PDE4D: variants seen among roughly 807,000 people sequenced by gnomAD.
PDE4D encodes 3',5'-cyclic-AMP phosphodiesterase 4D.
In PDE4D, 24 loss-of-function variants were observed where a neutral mutation model predicts 87.4. The ratio of observed to expected loss-of-function variants is 0.27; its 90% CI spans 0.20 to 0.39. The LOEUF (loss-of-function observed/expected upper bound fraction) is 0.39, where lower values mean the gene tolerates loss of function less well. Ranked by LOEUF, PDE4D falls within the 10% of genes least tolerant of loss-of-function variation. PDE4D has a pLI of 1.00. For synonymous variants in PDE4D, 384 were observed against 383.2 expected (o/e 1.00, Z -0.02); for missense variants, 714 against 1,041.0 (o/e 0.69, Z 4.32).
intron 3 of PDE4D, among the ~76,000 whole-genome samples, chr5:59,936,409 A>G (rs1033571147): frequency 2.6e-5 from 4 of 152,192 alleles, no homozygotes; most frequent in Non-Finnish European, 5.9e-5. Flanking sequence ...AGACTCCCTG[A>G]TCAGCATCTG....
At chr5:59,647,044 C>CA (rs957269193) in intron 1 of PDE4D, among the ~76,000 whole-genome samples, 6 of 151,162 alleles carry the variant, frequency 4.0e-5, no homozygotes, top group African/African-American at 7.3e-5. Flanking sequence ...CAAACAAAAA[C>CA]AAAAAAAAAT....
chr5:59,335,539 C>T (rs1254063668), intron 1 of PDE4D, among the ~76,000 whole-genome samples: 1 of 152,160 alleles, frequency 6.6e-6, no homozygotes, highest in African/African-American at 2.4e-5. Context: ...ACTACACAAC[C>T]TACATTTATC....
chr5:59,597,296 A>G (rs1183387649), intron 1 of PDE4D, among the ~76,000 whole-genome samples: 2 of 152,200 alleles, frequency 1.3e-5, no homozygotes, highest in Non-Finnish European at 2.9e-5. Flanking sequence ...TTGACATTGA[A>G]TTAATGGTTA....
At chr5:59,856,424 G>A (rs1320430523) in intron 1 of PDE4D, among the ~76,000 whole-genome samples, 1 of 152,154 alleles carries the variant, frequency 6.6e-6, no homozygotes. Context: ...TCTCATCAAT[G>A]TGTACGACAG....
intron 1 of PDE4D, among the ~76,000 whole-genome samples, chr5:60,403,022 A>C (rs6871765): frequency 0.02 from 3,099 of 152,280 alleles, 97 homozygotes; most frequent in African/African-American, 0.071. Context: ...AACCATTTAC[A>C]GAAGATCTAG....
chr5:59,802,546 A>G (rs2152667631), intron 1 of PDE4D, among the ~76,000 whole-genome samples: 1 of 151,766 alleles, frequency 6.6e-6, no homozygotes, highest in East Asian at 1.9e-4. Flanking sequence ...TTACAGGTGC[A>G]AACCACCACG....
At chr5:59,430,513 A>G in intron 1 of PDE4D, 1 of 1,005,936 alleles carries the variant, frequency 9.9e-7, no homozygotes, top group Non-Finnish European at 1.3e-6. Context: ...TAGATTTCAG[A>G]CATATGCTGC....
intron 1 of PDE4D, among the ~76,000 whole-genome samples, chr5:59,289,768 T>C (rs1382284872): frequency 6.6e-6 from 1 of 151,984 alleles, no homozygotes. Flanking sequence ...TGATCTTAAA[T>C]TTGGAAAAAC....
chr5:60,116,548 T>C (rs1424062067), intron 2 of PDE4D, among the ~76,000 whole-genome samples: 1 of 152,044 alleles, frequency 6.6e-6, no homozygotes, highest in Non-Finnish European at 1.5e-5. Flanking sequence ...CTTAATTCTG[T>C]CAGCTTTATA....
At chr5:60,490,610 G>T (rs541328366), upstream of PDE4D, 1 of 152,108 alleles carries the variant, frequency 6.6e-6, no homozygotes, top group South Asian at 2.1e-4. Flanking sequence ...CTGTCATCAC[G>T]ATCAATTAAT....
At chr5:60,153,797 A>G (rs1025683717) in intron 2 of PDE4D, among the ~76,000 whole-genome samples, 1 of 152,182 alleles carries the variant, frequency 6.6e-6, no homozygotes, top group Non-Finnish European at 1.5e-5. Flanking sequence ...TCCACTTGAT[A>G]AGAAATTAAA....
intron 5 of PDE4D, among the ~76,000 whole-genome samples, chr5:59,168,979 T>C (rs1438461160): frequency 1.3e-5 from 2 of 152,200 alleles, no homozygotes; most frequent in Non-Finnish European, 2.9e-5. Context: ...TCTAGAGTGT[T>C]TGGTACATTT....
intron 1 of PDE4D, among the ~76,000 whole-genome samples, chr5:60,323,214 G>C (rs1468783450): frequency 6.6e-6 from 1 of 152,106 alleles, no homozygotes; most frequent in Non-Finnish European, 1.5e-5. Flanking sequence ...CTCCACTCTA[G>C]GCTCCAGACA....
chr5:60,132,948 C>A (rs1779713529), intron 2 of PDE4D, among the ~76,000 whole-genome samples: 1 of 152,146 alleles, frequency 6.6e-6, no homozygotes, highest in Non-Finnish European at 1.5e-5. Flanking sequence ...TCCCTGTTGT[C>A]TAAATGAAAT....
intron 1 of PDE4D, among the ~76,000 whole-genome samples, chr5:59,813,086 G>C (rs1194888440): frequency 6.6e-6 from 1 of 152,126 alleles, no homozygotes; most frequent in Non-Finnish European, 1.5e-5. Flanking sequence ...TCCTATGCAG[G>C]GGGCTATTTT....
rs190242310 is a variant in PDE4D, at chr5:60,026,570, T to C, written c.43-37853A>G. On this transcript the variant is annotated intron_variant, in intron 2 of 16. Coordinates refer to the PDE4D transcript ENST00000502484. ...AGCTGTCTTTAACTCAGTCCAATTA[T>C]ACAGGAAAATGATAAACTCGATGAA... 9.2e-5 allele frequency among the ~76,000 whole-genome samples: 14 copies of C among 152,162 alleles called. 1 individual carries two copies. Among genetic ancestry groups the C allele is most frequent in the Non-Finnish European group, 1.6e-4 (11 of 68,016 alleles).
intron 6 of PDE4D, 141 bp from the exon 7 acceptor site, chr5:58,993,606 A>G: frequency 1.9e-6 from 1 of 539,678 alleles, no homozygotes. Flanking sequence ...TTCCAGCAGA[A>G]CTTTCTTCAA....
intron 1 of PDE4D, among the ~76,000 whole-genome samples, chr5:60,516,930 G>C (rs888760930): frequency 6.6e-6 from 1 of 152,088 alleles, no homozygotes; most frequent in African/African-American, 2.4e-5. Context: ...TGTGAGGGGT[G>C]GGAGTCCTGC....
intron 1 of PDE4D, among the ~76,000 whole-genome samples, chr5:60,458,121 AC>A (rs1438738113): frequency 6.6e-6 from 1 of 152,138 alleles, no homozygotes; most frequent in Non-Finnish European, 1.5e-5. Context: ...GCAGTGGCTT[AC>A]ACCTGTAATC....
Sources: gnomAD v4.1 joint callset for allele counts (sites outside exome capture counted in the v4.1 genomes callset) on GRCh38, gnomAD v4.1.1 for gene constraint, MANE v1.5 for transcripts, NCBI Gene and HGNC (gene_info 2026-07-23, HGNC 2026-07-21) for gene names.